PRORP: variants seen among roughly 807,000 people sequenced by gnomAD.
PRORP encodes mitochondrial ribonuclease P catalytic subunit.
PRORP carries 51 observed loss-of-function variants against 59.4 expected under a neutral mutation model. The ratio of observed to expected loss-of-function variants is 0.86; its 90% CI spans 0.69 to 1.08. PRORP has a LOEUF of 1.08. PRORP is among the 50% of genes least tolerant of loss of function. The pLI, the probability that PRORP is intolerant of heterozygous loss-of-function variation, is 0.00. For synonymous variants in PRORP, 231 were observed against 245.6 expected (o/e 0.94, Z 0.55); for missense variants, 646 against 690.3 (o/e 0.94, Z 0.72).
At position 35,273,467 on chromosome 14, in the gene PRORP, A is replaced by G; in HGVS notation, c.1653A>G (p.Thr551=). The G allele has an allele frequency of 2.5e-6, 4 of 1,613,188 alleles. No homozygotes were observed. Among genetic ancestry groups the G allele is most frequent in the Non-Finnish European group, 2.5e-6 (3 of 1,179,562 alleles). ...RILSYDTVVQ[T]TGDSWHIPYD... is the part of the protein sequence containing the mutation. ...TCAGCTATGACACAGTGGTGCAAAC[A>G]ACTGGAGACTCGTGGCACATACCAT... The change falls in exon 8 of 8, where the codon ACA becomes ACG. Residue 551 remains threonine, a synonymous_variant. Transcript: ENST00000534898.
chr14:35,178,534 T>A (rs1011934228), intron 4 of PRORP, among the ~76,000 whole-genome samples: 2 of 152,158 alleles, frequency 1.3e-5, no homozygotes, highest in Admixed American at 6.6e-5. Flanking sequence ...GTTGGTTTAA[T>A]GTCTGTTTTA....
chr14:35,205,689 T>A (rs1029385017), intron 5 of PRORP, among the ~76,000 whole-genome samples: 5 of 152,244 alleles, frequency 3.3e-5, no homozygotes, highest in Non-Finnish European at 2.9e-5. Context: ...GGTTTTTGTT[T>A]GTTTTAATTA....
At chr14:35,217,642 C>G (rs997516431) in intron 5 of PRORP, among the ~76,000 whole-genome samples, 5 of 151,564 alleles carry the variant, frequency 3.3e-5, no homozygotes, top group African/African-American at 1.2e-4. Flanking sequence ...ATGAGTCCAA[C>G]TTCACTTTTT....
At chr14:35,209,180 A>T (rs1198842435) in intron 5 of PRORP, among the ~76,000 whole-genome samples, 1 of 152,220 alleles carries the variant, frequency 6.6e-6, no homozygotes, top group African/African-American at 2.4e-5. Flanking sequence ...CCTCAAAAAA[A>T]AAAAAGTTAT....
chr14:35,202,334 G>A (rs978925151), intron 5 of PRORP, among the ~76,000 whole-genome samples: 1 of 152,018 alleles, frequency 6.6e-6, no homozygotes, highest in African/African-American at 2.4e-5. Flanking sequence ...GAAAAATGCT[G>A]TTCCTGTTTT....
At chr14:35,248,407 C>T (rs1445143706) in intron 5 of PRORP, among the ~76,000 whole-genome samples, 2 of 152,234 alleles carry the variant, frequency 1.3e-5, no homozygotes, top group Admixed American at 6.5e-5. Context: ...GCTTACATAC[C>T]ACCTGGTGAA....
At chr14:35,142,107 G>C (rs2047493699) in intron 4 of PRORP, among the ~76,000 whole-genome samples, 1 of 144,566 alleles carries the variant, frequency 6.9e-6, no homozygotes, top group African/African-American at 2.4e-5. Context: ...TTGAACTCCT[G>C]ACCTCAGCTG....
chr14:35,126,930 T>C (rs951495763), intron 3 of PRORP, 148 bp downstream of exon 3: 3 of 642,666 alleles, frequency 4.7e-6, no homozygotes, highest in African/African-American at 3.7e-5. Flanking sequence ...ATACTTTGCA[T>C]ACAGAGACTT....
intron 4 of PRORP, among the ~76,000 whole-genome samples, chr14:35,142,359 T>C (rs2047501293): frequency 7.2e-6 from 1 of 138,546 alleles, no homozygotes; most frequent in African/African-American, 2.5e-5. Context: ...TTTTTTTTTT[T>C]TTCCAAGAGA....
intron 4 of PRORP, among the ~76,000 whole-genome samples, chr14:35,167,411 T>C (rs2048211216): frequency 6.6e-6 from 1 of 152,222 alleles, no homozygotes; most frequent in Admixed American, 6.5e-5. Context: ...TGCGATAAGA[T>C]AGTTTGTCTC....
chr14:35,190,968 T>C (rs1318040083), intron 5 of PRORP, among the ~76,000 whole-genome samples: 1 of 152,234 alleles, frequency 6.6e-6, no homozygotes, highest in Non-Finnish European at 1.5e-5. Flanking sequence ...TTAATTTTCC[T>C]AGAGCAGTTT....
chr14:35,203,635 C>T (rs1014950266), intron 5 of PRORP, among the ~76,000 whole-genome samples: 11 of 152,120 alleles, frequency 7.2e-5, no homozygotes, highest in African/African-American at 1.7e-4. Flanking sequence ...GAGGCCGAGG[C>T]GGGCGGATCA....
At chr14:35,268,367 C>T (rs1196708274) in intron 6 of PRORP, among the ~76,000 whole-genome samples, 1 of 135,510 alleles carries the variant, frequency 7.4e-6, no homozygotes, top group Non-Finnish European at 1.6e-5. Context: ...AAAAAAACAA[C>T]CCACAAACCT....
upstream of PRORP, chr14:35,121,924 C>A (rs374533260): frequency 1.2e-6 from 2 of 1,614,028 alleles, no homozygotes; most frequent in African/African-American, 2.7e-5. Flanking sequence ...TGTTGGGCGT[C>A]GCTAGGCGCC....
chr14:35,185,518 C>T (rs559241699), intron 5 of PRORP, among the ~76,000 whole-genome samples: 2 of 152,298 alleles, frequency 1.3e-5, no homozygotes, highest in East Asian at 3.9e-4. Context: ...GTTGTTATGA[C>T]TGATTTTTGC....
intron 7 of PRORP, among the ~76,000 whole-genome samples, chr14:35,272,034 C>CA (rs34728568): frequency 0.16 from 21,709 of 136,832 alleles, 2,916 homozygotes; most frequent in African/African-American, 0.37. Flanking sequence ...TCAAAAAAAA[C>CA]AAAAAAAAAC....
rs373405122 is a variant in PRORP, at chr14:35,266,871, G to A, written c.1420G>A (p.Asp474Asn). The change falls in exon 6 of 8, where the codon GAC becomes AAC. Residue 474 changes from aspartate (D) to asparagine (N), a missense_variant. Transcript: ENST00000534898. ...GCAAGCCAGCTGTTTTTTTGCTGAT[G>A]ACATGTAAGTGTTGGAGGTAATAGG... ...QKQASCFFAD[D>N]ISEDDPFLLY... 6.2e-7 allele frequency: 1 copy of A among 1,613,958 alleles called. No individual in the cohort carries two copies. Among genetic ancestry groups the A allele is most frequent in the African/African-American group, 1.3e-5 (1 of 74,882 alleles).
chr14:35,257,937 G>A (rs985293668), intron 5 of PRORP, among the ~76,000 whole-genome samples: 3 of 151,954 alleles, frequency 2.0e-5, no homozygotes, highest in East Asian at 1.9e-4. Context: ...TTCTATTTCC[G>A]GAGCATCCCT....
At chr14:35,230,938 A>ACACAC (rs2050061468) in intron 5 of PRORP, among the ~76,000 whole-genome samples, 1 of 144,466 alleles carries the variant, frequency 6.9e-6, no homozygotes, top group Admixed American at 7.0e-5. Flanking sequence ...AGGAAAAGAG[A>ACACAC]ACACACACAC....
Sources: gnomAD v4.1 joint callset for allele counts (sites outside exome capture counted in the v4.1 genomes callset) on GRCh38, gnomAD v4.1.1 for gene constraint, MANE v1.5 for transcripts, NCBI Gene and HGNC (gene_info 2026-07-23, HGNC 2026-07-21) for gene names.